SLC39A14: variants seen among roughly 807,000 people sequenced by gnomAD.
SLC39A14 encodes the protein solute carrier family 39 member 14, also known as metal cation symporter ZIP14.
SLC39A14 carries 19 observed loss-of-function variants against 45.5 expected under a neutral mutation model. That is an observed-to-expected ratio of 0.42 (90% confidence interval 0.29 to 0.61). The LOEUF (loss-of-function observed/expected upper bound fraction) is 0.61, where lower values mean the gene tolerates loss of function less well. Among genes scored for constraint, SLC39A14 ranks in the 20% least tolerant of loss-of-function variants. SLC39A14 has a pLI of 0.22. For synonymous variants in SLC39A14, 264 were observed against 251.3 expected (o/e 1.05, Z -0.48); for missense variants, 447 against 616.5 (o/e 0.73, Z 2.91).
chr8:22,393,823 T>C (rs1834217662), intron 1 of SLC39A14, among the ~76,000 whole-genome samples: 1 of 151,866 alleles, frequency 6.6e-6, no homozygotes, highest in Non-Finnish European at 1.5e-5. Context: ...CAGGCATTCA[T>C]CACCACACCT....
intron 1 of SLC39A14, among the ~76,000 whole-genome samples, chr8:22,377,936 A>G (rs1833302066): frequency 6.6e-6 from 1 of 152,188 alleles, no homozygotes; most frequent in South Asian, 2.1e-4. Flanking sequence ...CCCTCTCTGC[A>G]GTTCACAACT....
At position 22,415,897 on chromosome 8, in the gene SLC39A14, G is replaced by A. The variant is rs765800929; in HGVS notation, c.879G>A (p.Glu293=). The change falls in exon 6 of 9, where the codon GAG becomes GAA. Residue 293 remains glutamate (E), a synonymous_variant. Transcript: ENST00000381237. ...DHMIPQHCSS[E]LDGKAPMVDE... ...TGATTCCTCAGCACTGCAGCAGTGAGCTGGACGGCAAGGCGCCCATGGTGG... is the reference window on the plus strand; with the variant it reads ...TGATTCCTCAGCACTGCAGCAGTGAACTGGACGGCAAGGCGCCCATGGTGG... 1.2e-6 allele frequency: 2 copies of A among 1,611,926 alleles called. No homozygotes were observed. Among genetic ancestry groups the A allele is most frequent in the East Asian group, 2.2e-5 (1 of 44,854 alleles).
chr8:22,401,543 CTTTTTT>C (rs71544899), intron 1 of SLC39A14, among the ~76,000 whole-genome samples: 2 of 84,054 alleles, frequency 2.4e-5, no homozygotes, highest in East Asian at 8.2e-4. Context: ...TCTTCTCTTT[CTTTTTT>C]TTTTTTTTTT....
In SLC39A14 at chr8:22,416,113, G is replaced by C. The variant is rs1835863602; in HGVS notation, c.980G>C (p.Gly327Ala). 7 of 1,614,140 alleles carry C rather than the reference G, an allele frequency of 4.3e-6. No homozygotes were observed. The highest frequency in any genetic ancestry group is 5.9e-6 in the Non-Finnish European group (7 of 1,180,014). Residue 327 changes from glycine (G) to alanine (A), a missense_variant, in exon 7 of 9, where the codon GGT becomes GCT. Gly to Ala is a moderately conservative substitution (Grantham distance 60). This residue lies in a region of SLC39A14 where 342 missense variants were observed against 428.1 expected (regional missense o/e 0.80). Coordinates refer to ENST00000381237, the MANE Select transcript of SLC39A14 (RefSeq NM_001128431.4). ...ASQSACYWLK[G>A]VRYSDIGTLA... The stretch of plus-strand genomic sequence containing the variant: ...CAGAGTGCTTGCTACTGGCTGAAAG[G>C]TGTCCGCTACTCTGATATCGGCACT...
chr8:22,376,737 G>T (rs1033873086), intron 1 of SLC39A14, among the ~76,000 whole-genome samples: 1 of 152,058 alleles, frequency 6.6e-6, no homozygotes, highest in African/African-American at 2.4e-5. Flanking sequence ...AATTAGCCAG[G>T]CATGGTGACA....
At chr8:22,396,673 A>G (rs1244724263) in intron 1 of SLC39A14, among the ~76,000 whole-genome samples, 3 of 149,710 alleles carry the variant, frequency 2.0e-5, no homozygotes, top group Non-Finnish European at 4.4e-5. Flanking sequence ...TTTCCTTCCA[A>G]GGGAGTCAGC....
chr8:22,414,676 C>A, intron 4 of SLC39A14, 104 bp from the exon 5 acceptor site: 1 of 1,257,904 alleles, frequency 7.9e-7, no homozygotes, highest in Non-Finnish European at 1.1e-6. Flanking sequence ...TCCATTATGC[C>A]TCTCTCCTTT....
intron 1 of SLC39A14, among the ~76,000 whole-genome samples, chr8:22,400,878 G>A (rs1487188940): frequency 1.3e-5 from 2 of 152,232 alleles, no homozygotes; most frequent in Non-Finnish European, 2.9e-5. Flanking sequence ...GAGAGTCAGA[G>A]TTGGGAACCC....
At chr8:22,424,723 G>T (rs575243637), downstream of SLC39A14, among the ~76,000 whole-genome samples, 1 of 152,000 alleles carries the variant, frequency 6.6e-6, no homozygotes, top group Non-Finnish European at 1.5e-5. Context: ...CATATGGAAA[G>T]AATGAATGAA....
At chr8:22,427,317 T>C (rs1586762573), downstream of SLC39A14, among the ~76,000 whole-genome samples, 5 of 152,020 alleles carry the variant, frequency 3.3e-5, no homozygotes, top group South Asian at 1.0e-3. Flanking sequence ...AAAAATAGGG[T>C]TTGTCTTCCT....
downstream of SLC39A14, among the ~76,000 whole-genome samples, chr8:22,427,561 T>G (rs918655136): frequency 6.6e-6 from 1 of 152,024 alleles, no homozygotes; most frequent in Non-Finnish European, 1.5e-5. Flanking sequence ...GAATAGGCGA[T>G]TCTTTCAAGT....
intron 1 of SLC39A14, chr8:22,393,083 G>A (rs760634800): frequency 3.7e-5 from 10 of 269,062 alleles, no homozygotes; most frequent in Non-Finnish European, 5.7e-5. Context: ...CCATCAGCGC[G>A]AGGTTTCACA....
At chr8:22,415,089 C>T (rs574761635) in intron 5 of SLC39A14, 187 bp downstream of exon 5, 3 of 635,208 alleles carry the variant, frequency 4.7e-6, no homozygotes, top group Middle Eastern at 7.1e-4. Flanking sequence ...TGAGGCCAGA[C>T]CAGAAACTAG....
intron 2 of SLC39A14, among the ~76,000 whole-genome samples, chr8:22,408,101 T>C (rs1232060153): frequency 6.6e-6 from 1 of 152,250 alleles, no homozygotes; most frequent in Non-Finnish European, 1.5e-5. Context: ...CTTTCCTGGC[T>C]GGCTGAGCCA....
chr8:22,424,467 G>A (rs950765694), downstream of SLC39A14, among the ~76,000 whole-genome samples: 3 of 152,100 alleles, frequency 2.0e-5, no homozygotes, highest in Non-Finnish European at 4.4e-5. Context: ...GAAGTGGCTC[G>A]TGTTGGTCGT....
chr8:22,393,508 C>T (rs1444917772), intron 1 of SLC39A14, among the ~76,000 whole-genome samples: 1 of 152,140 alleles, frequency 6.6e-6, no homozygotes, highest in Non-Finnish European at 1.5e-5. Context: ...CAGTTGATGA[C>T]CAAGCTGGCA....
rs912392426 is a variant in SLC39A14, at chr8:22,367,968, T to C, written c.-16+560T>C. Among the ~76,000 whole-genome samples the C allele has an allele frequency of 2.0e-5, 3 of 152,158 alleles. No homozygotes were observed. The highest frequency in any genetic ancestry group is 4.4e-5 in the Non-Finnish European group (3 of 68,036). On this transcript the variant is annotated intron_variant, in intron 1 of 8. Transcript: ENST00000381237. This position sits in a 1 kb window ranked among gnomAD's most constrained non-coding sequence, Gnocchi z 4.2. ...CCAAGTTAGGTGGTCGGGTTCAGGC[T>C]GCCCCCTCTTGGTGGGTGAGGGCAG...
At chr8:22,422,826 T>TTTTG (rs76418964), downstream of SLC39A14, 43 of 440,788 alleles carry the variant, frequency 9.8e-5, no homozygotes, top group South Asian at 1.3e-3. Flanking sequence ...GAAGGTTTTT[T>TTTTG]TTGTTGTTGT....
intron 1 of SLC39A14, among the ~76,000 whole-genome samples, chr8:22,383,274 T>G (rs930035254): frequency 3.9e-5 from 6 of 152,172 alleles, no homozygotes; most frequent in African/African-American, 1.4e-4. Flanking sequence ...AGATCCCTTC[T>G]GATCCTTTTC....
Sources: gnomAD v4.1 joint callset for allele counts (sites outside exome capture counted in the v4.1 genomes callset) on GRCh38, gnomAD v4.1.1 for gene constraint, gnomAD v4.1.1 regional missense constraint, Gnocchi (gnomAD v3.1) non-coding constraint, MANE v1.5 for transcripts, NCBI Gene and HGNC (gene_info 2026-07-23, HGNC 2026-07-21) for gene names.